RNF213: variants seen among roughly 807,000 people sequenced by gnomAD.
RNF213 encodes the protein ring finger protein 213, also known as E3 ubiquitin-protein ligase RNF213.
Under a neutral mutation model 514.4 loss-of-function variants are expected in RNF213, and 341 were observed. The observed-to-expected ratio is 0.66, with a 90% CI of 0.61 to 0.73. RNF213 has a LOEUF of 0.73. Among genes scored for constraint, RNF213 ranks in the 30% least tolerant of loss-of-function variants. RNF213 has a pLI of 0.00. For synonymous variants in RNF213, 2,655 were observed against 2,658.2 expected, an observed-to-expected ratio of 1.00 and a Z score of 0.04; for missense variants, 5,767 against 6,615.6, an observed-to-expected ratio of 0.87 and a Z score of 4.45.
At chr17:80,269,813 C>T (rs1004067072) in intron 2 of RNF213, among the ~76,000 whole-genome samples, 1 of 152,234 alleles carries the variant, frequency 6.6e-6, no homozygotes, top group Non-Finnish European at 1.5e-5. Context: ...TACCTACCTA[C>T]ATATTCTATA....
intron 25 of RNF213, 44 bp from the exon 26 acceptor site, chr17:80,339,157 C>G: frequency 1.4e-6 from 2 of 1,433,388 alleles, no homozygotes; most frequent in Non-Finnish European, 1.8e-6. Flanking sequence ...GTGTTACCCT[C>G]TCGCATGGCT....
Position 80,347,555 on chromosome 17 carries a change from T to C in RNF213, c.9220T>C (p.Phe3074Leu). The change falls in exon 29 of 68, where the codon TTC (phenylalanine) becomes CTC (leucine). Residue 3074 changes from phenylalanine to leucine, a missense_variant. Physicochemically the swap from Phe to Leu is conservative, Grantham distance 22. Transcript: ENST00000582970. This position sits in a 1 kb window ranked among gnomAD's most constrained non-coding sequence, Gnocchi z 7.2. Reference protein sequence around the residue: ...QQPEIIFGSGFPKDQEYTQLC... With the variant: ...QQPEIIFGSGLPKDQEYTQLC... ...GCCGGAGATTATTTTTGGTTCTGGT[T>C]TCCCCAAGGACCAAGAGTACACCCA... 1 of 1,614,122 alleles carries C rather than the reference T, an allele frequency of 6.2e-7. No homozygotes were observed. The highest frequency in any genetic ancestry group is 8.5e-7 in the Non-Finnish European group (1 of 1,180,044).
intron 56 of RNF213, chr17:80,381,283 T>C: frequency 1.7e-6 from 1 of 594,344 alleles, no homozygotes; most frequent in Non-Finnish European, 3.0e-6. Flanking sequence ...GTCTTCATTG[T>C]AGCTAGGGAA....
Position 80,367,366 on chromosome 17 carries a change from T to A in RNF213, c.11872-382T>A, listed in dbSNP as rs981706528. Among the ~76,000 whole-genome samples the A allele has an allele frequency of 3.3e-5, 5 of 152,286 alleles. 2 individuals are homozygous for A. The highest frequency in any genetic ancestry group is 2.4e-5 in the African/African-American group (1 of 41,570). On this transcript the variant is annotated intron_variant, in intron 42 of 67. Transcript: ENST00000582970. Reference sequence around the variant, plus strand: ...AGCTTGGGAGGCTGAAAGAAAATTTTAAAAAATTTAAAAATTTTAAAAAAT... The same window carrying A: ...AGCTTGGGAGGCTGAAAGAAAATTTAAAAAAATTTAAAAATTTTAAAAAAT...
intron 41 of RNF213, among the ~76,000 whole-genome samples, chr17:80,364,125 G>A (rs977532890): frequency 2.0e-5 from 3 of 152,186 alleles, no homozygotes; most frequent in African/African-American, 7.2e-5. Context: ...CAGGCCCTCA[G>A]GGCCAGAGTC....
intron 20 of RNF213, among the ~76,000 whole-genome samples, chr17:80,331,533 TGC>T (rs1444697285): frequency 6.6e-6 from 1 of 151,772 alleles, no homozygotes; most frequent in African/African-American, 2.4e-5. Context: ...GGATTACAGG[TGC>T]GCTCCACCAC....
chr17:80,359,667 C>A (rs2078981246), intron 37 of RNF213, among the ~76,000 whole-genome samples: 1 of 151,912 alleles, frequency 6.6e-6, no homozygotes, highest in Non-Finnish European at 1.5e-5. Context: ...ATTTGAATTG[C>A]CAGTGGAAAC....
Position 80,354,455 on chromosome 17 carries a change from G to T in RNF213, c.10741G>T (p.Val3581Leu), listed in dbSNP as rs1482055700. ...CCTTTGTACAGCCTCTTTCTTGCGGGTATCCAAGATGCGCCTCAGTGTCTT... is the reference window on the plus strand; with the variant it reads ...CCTTTGTACAGCCTCTTTCTTGCGGTTATCCAAGATGCGCCTCAGTGTCTT... ...DDACHASFLR[V>L]SKMRLSVFLK... The change falls in exon 36 of 68, where the codon GTA becomes TTA. Residue 3581 changes from valine to leucine, a missense_variant. Physicochemically the swap from Val to Leu is conservative, Grantham distance 32. Around this residue, in one of 13 missense-constraint regions of RNF213, gnomAD observed 919 missense variants for 1,121.0 expected, o/e 0.82. Coordinates refer to ENST00000582970, the MANE Select transcript of RNF213 (RefSeq NM_001256071.3). 1 of 1,614,232 alleles carries T rather than the reference G, an allele frequency of 6.2e-7. No individual in the cohort carries two copies. The highest frequency in any genetic ancestry group is 2.2e-5 in the East Asian group (1 of 44,882).
In RNF213 at chr17:80,278,991, TC is replaced by T. The variant is rs2044165669; in HGVS notation, c.261+5589del. ...CAGCCTGGCACGGCCACCTCGCACT[TC>T]CGGCCCTTGAGTCCCTGCCAGTCGA... On this transcript the variant is annotated intron_variant, in intron 3 of 67. Transcript: ENST00000582970. The T allele has an allele frequency of 4.0e-6, 6 of 1,511,588 alleles. 1 individual carries two copies. In the South Asian group the frequency reaches 7.3e-5, roughly 19 times the overall value. The allele number at this position is 1,511,588 out of a possible 1,614,324, so 93.6% of individuals were successfully genotyped here.
intron 42 of RNF213, among the ~76,000 whole-genome samples, chr17:80,366,336 G>T (rs2079273343): frequency 6.6e-6 from 1 of 152,194 alleles, no homozygotes; most frequent in Admixed American, 6.5e-5. Context: ...TTCCACGGGG[G>T]CTGCAGCATC....
At chr17:80,358,566 C>A (rs1011297848) in intron 37 of RNF213, 87 bp downstream of exon 37, 3 of 1,266,736 alleles carry the variant, frequency 2.4e-6, no homozygotes, top group Admixed American at 1.8e-5. Context: ...CTGGGTGAAA[C>A]GCAGCCCTCA....
chr17:80,290,380 C>T (rs1568018897), intron 6 of RNF213, among the ~76,000 whole-genome samples, 190 bp from the exon 7 acceptor site: 1 of 149,220 alleles, frequency 6.7e-6, no homozygotes, highest in African/African-American at 2.5e-5. Flanking sequence ...TGAGTGCGTG[C>T]ACGTGTGTGC....
At chr17:80,375,978 G>C (rs767888229) in intron 51 of RNF213, 108 bp downstream of exon 51, 27 of 904,466 alleles carry the variant, frequency 3.0e-5, no homozygotes, top group Non-Finnish European at 4.5e-5. Flanking sequence ...TTTTTATCTA[G>C]GATAGAGGTT....
chr17:80,290,339 GTGTGTGCGTGTGCATGTA>G (rs1471296964), intron 6 of RNF213, among the ~76,000 whole-genome samples: 1 of 152,034 alleles, frequency 6.6e-6, no homozygotes, highest in Non-Finnish European at 1.5e-5. Flanking sequence ...GTGTGCGCAC[GTGTGTGCGTGTGCATGTA>G]TGTGTGCGTG....
intron 3 of RNF213, among the ~76,000 whole-genome samples, chr17:80,274,108 G>C (rs148984748): frequency 6.6e-6 from 1 of 152,116 alleles, no homozygotes; most frequent in Non-Finnish European, 1.5e-5. Context: ...CGCTGGGTGC[G>C]TGTCTTGCGC....
intron 17 of RNF213, 185 bp downstream of exon 17, chr17:80,319,497 C>T: frequency 1.2e-6 from 2 of 1,613,842 alleles, no homozygotes; most frequent in Non-Finnish European, 1.7e-6. Flanking sequence ...CCGGATTCCT[C>T]AGTGTGCTGC....
chr17:80,376,118 C>T lies in RNF213; in HGVS notation c.13186-183C>T, dbSNP rs375563057. ...AATAGAATATCAAAATTAATGCTTA[C>T]GTATGTGGATGCTGTGTTTGTATAT... On this transcript the variant is annotated intron_variant, in intron 51 of 67. Coordinates refer to ENST00000582970, the MANE Select transcript of RNF213 (RefSeq NM_001256071.3). 3.9e-5 allele frequency among the ~76,000 whole-genome samples: 6 copies of T among 152,234 alleles called. No homozygotes were observed. The East Asian group carries it at 5.8e-4, about 15-fold the overall frequency.
At chr17:80,315,766 ATGCTGG>A (rs2045907722) in intron 15 of RNF213, 2 of 21,592 alleles carry the variant, frequency 9.3e-5, no homozygotes, top group Admixed American at 4.2e-4. Context: ...GACAGTGGTG[ATGCTGG>A]TGGTGGTGGT....
rs574144994 is a variant in RNF213 at position 80,277,085 on chromosome 17, C to CA, written c.261+3688dup. 1.8e-3 allele frequency among the ~76,000 whole-genome samples: 273 copies of CA among 150,566 alleles called. 1 individual carries two copies. Among genetic ancestry groups the CA allele is most frequent in the African/African-American group, 6.6e-3 (268 of 40,862 alleles). Reference sequence around the variant, plus strand: ...CAAAGCAAACAAACCAAAAAAAAAACAAAAAAAGAATACGATATGGATCTG... The same window carrying CA: ...CAAAGCAAACAAACCAAAAAAAAAACAAAAAAAAGAATACGATATGGATCTG... On this transcript the variant is annotated intron_variant, in intron 3 of 67. Coordinates refer to ENST00000582970, the MANE Select transcript of RNF213 (RefSeq NM_001256071.3).
Sources: allele counts gnomAD v4.1 joint callset (sites outside exome capture counted in the v4.1 genomes callset), GRCh38; gene constraint gnomAD v4.1.1; regional missense constraint gnomAD v4.1.1; non-coding constraint Gnocchi (gnomAD v3.1); transcripts MANE v1.5; gene names NCBI Gene and HGNC (gene_info 2026-07-23, HGNC 2026-07-21).